Variants in IL1RAPL1 observed in about 807,000 individuals in gnomAD.
IL1RAPL1 encodes interleukin 1 receptor accessory protein like 1.
In IL1RAPL1, 3 loss-of-function variants were observed where a neutral mutation model predicts 48.4. The observed-to-expected ratio is 0.06, with a 90% confidence interval of 0.03 to 0.16. The LOEUF is 0.16. Ranked by LOEUF, IL1RAPL1 falls within the 10% of genes least tolerant of loss-of-function variation. The pLI, the probability that IL1RAPL1 is intolerant of heterozygous loss-of-function variation, is 1.00. For missense variants in IL1RAPL1, 349 were observed against 530.6 expected, an observed-to-expected ratio of 0.66 and a Z score of 3.36; for synonymous variants, 185 against 187.7, an observed-to-expected ratio of 0.99 and a Z score of 0.12.
intron 3 of IL1RAPL1, among the ~76,000 whole-genome samples, chrX:29,326,133 C>T (rs182931100): frequency 8.9e-6 from 1 of 112,262 alleles, no homozygotes; most frequent in Non-Finnish European, 1.9e-5. Flanking sequence ...GCTGTTCTTT[C>T]TATTTTATTT....
At chrX:29,417,395 G>T (rs767717147) in intron 5 of IL1RAPL1, among the ~76,000 whole-genome samples, 1 of 111,660 alleles carries the variant, frequency 9.0e-6, no homozygotes, top group South Asian at 3.7e-4. Flanking sequence ...AGCATCTCTT[G>T]TTCCATCTGG....
intron 5 of IL1RAPL1, among the ~76,000 whole-genome samples, chrX:29,554,901 G>A (rs1921940726): frequency 8.9e-6 from 1 of 112,086 alleles, no homozygotes; most frequent in African/African-American, 3.2e-5. Context: ...TGCTAACCCT[G>A]TCCATTGATT....
intron 5 of IL1RAPL1, among the ~76,000 whole-genome samples, chrX:29,653,358 G>A (rs1290039658): frequency 9.0e-6 from 1 of 111,365 alleles, no homozygotes; most frequent in Non-Finnish European, 1.9e-5. Context: ...TTTTATTTTT[G>A]TTTTTGTTTT....
Position 28,635,747 on chromosome X carries a change from G to A in IL1RAPL1, c.-25+47700G>A, listed in dbSNP as rs142732719. ...CATGAGTTAAACATGGTTGGAGTTT[G>A]CGGCTAAAGCTTTTGGATTACTTTT... On this transcript the variant is annotated intron_variant, in intron 1 of 10. Coordinates refer to ENST00000378993, the MANE Select transcript of IL1RAPL1 (RefSeq NM_014271.4). Among the ~76,000 whole-genome samples the A allele has an allele frequency of 6.5e-3, 725 of 111,903 alleles. 5 individuals carry two copies. Among genetic ancestry groups the A allele is most frequent in the African/African-American group, 0.023 (695 of 30,779 alleles).
In IL1RAPL1 at chrX:29,081,029, CT is replaced by C. The variant is rs1555960770; in HGVS notation, c.83-201905del. 4.5e-3 allele frequency among the ~76,000 whole-genome samples: 185 copies of C among 41,457 alleles called. 2 individuals are homozygous for C. Among genetic ancestry groups the C allele is most frequent in the South Asian group, 7.6e-3 (6 of 794 alleles). The allele number at this position is 41,457 out of a possible 115,157, so 36.0% of individuals were successfully genotyped here. The stretch of plus-strand genomic sequence containing the variant: ...CTCTCTCTCTCTCTCTCTTTCTTTT[CT>C]TTTCTTTTCTTTTCTTTTCTTTTCT... On this transcript the variant is annotated intron_variant, in intron 2 of 10. Coordinates refer to ENST00000378993, the MANE Select transcript of IL1RAPL1 (RefSeq NM_014271.4).
At chrX:29,755,844 A>T (rs1052885289) in intron 6 of IL1RAPL1, among the ~76,000 whole-genome samples, 4 of 112,116 alleles carry the variant, frequency 3.6e-5, no homozygotes, top group African/African-American at 1.3e-4. Flanking sequence ...TATTATTTTT[A>T]AATTCTTTCA....
rs759365066 is a variant in IL1RAPL1, at chrX:28,957,098, C to T, written c.82+167673C>T. Among the ~76,000 whole-genome samples the T allele has an allele frequency of 1.3e-3, 144 of 110,360 alleles. 1 individual carries two copies. Among genetic ancestry groups the T allele is most frequent in the African/African-American group, 4.4e-3 (135 of 30,353 alleles). ...ATGGTAGTTTGTATTTCTGTGGGAT[C>T]GGTGGTGATATCCCCTTTATCATTT... is the stretch of plus-strand genomic sequence containing the variant. On this transcript the variant is annotated intron_variant, in intron 2 of 10. Transcript: ENST00000378993.
intron 3 of IL1RAPL1, among the ~76,000 whole-genome samples, chrX:29,374,032 T>A (rs1032817938): frequency 9.4e-6 from 1 of 106,115 alleles, no homozygotes; most frequent in Admixed American, 1.0e-4. Flanking sequence ...CTGGATACAG[T>A]TTGGTAGTAT....
At chrX:29,433,298 G>A (rs1304955347) in intron 5 of IL1RAPL1, among the ~76,000 whole-genome samples, 5 of 110,783 alleles carry the variant, frequency 4.5e-5, no homozygotes. Flanking sequence ...CATATTTTAT[G>A]TGCTTTTAAA....
At chrX:29,071,397 C>G in intron 2 of IL1RAPL1, among the ~76,000 whole-genome samples, 1 of 111,997 alleles carries the variant, frequency 8.9e-6, no homozygotes, top group South Asian at 3.7e-4. Flanking sequence ...GCTGCCATTT[C>G]TCAGTGTTCT....
chrX:29,750,465 GA>G lies in IL1RAPL1; in HGVS notation c.778+81969del, dbSNP rs756506627. 2.8e-4 allele frequency among the ~76,000 whole-genome samples: 31 copies of G among 110,461 alleles called. No homozygotes were observed. The East Asian group carries it at 3.1e-3, about 11-fold the overall frequency. On this transcript the variant is annotated intron_variant, in intron 6 of 10. Coordinates refer to ENST00000378993, the MANE Select transcript of IL1RAPL1 (RefSeq NM_014271.4). ...ATGAATTGCTATGGTATAATTTTGA[GA>G]AAAAAAATCATTTTTAGTCATTACA...
At chrX:29,895,310 G>C (rs1932359650) in intron 6 of IL1RAPL1, among the ~76,000 whole-genome samples, 1 of 110,927 alleles carries the variant, frequency 9.0e-6, no homozygotes, top group South Asian at 3.9e-4. Context: ...CAACACTTTG[G>C]GAGGCTGAGG....
intron 1 of IL1RAPL1, among the ~76,000 whole-genome samples, chrX:28,712,051 T>C (rs1387516803): frequency 9.0e-6 from 1 of 111,380 alleles, no homozygotes; most frequent in Non-Finnish European, 1.9e-5. Flanking sequence ...AGCATTTGCT[T>C]ACCTGGGGCT....
At chrX:29,794,403 G>A (rs1929698997) in intron 6 of IL1RAPL1, among the ~76,000 whole-genome samples, 2 of 111,509 alleles carry the variant, frequency 1.8e-5, no homozygotes, top group African/African-American at 6.6e-5. Context: ...CAATTATCAC[G>A]TTATTAGAGC....
At chrX:29,916,834 T>C (rs980169135) in intron 6 of IL1RAPL1, among the ~76,000 whole-genome samples, 10 of 112,556 alleles carry the variant, frequency 8.9e-5, no homozygotes, top group Non-Finnish European at 1.3e-4. Context: ...ATCTTTACAG[T>C]AGTATAACTG....
intron 3 of IL1RAPL1, among the ~76,000 whole-genome samples, chrX:29,316,857 T>C (rs1227955903): frequency 9.0e-6 from 1 of 111,690 alleles, no homozygotes; most frequent in Non-Finnish European, 1.9e-5. Flanking sequence ...TATAATTTGG[T>C]ATCTTAATGT....
At chrX:28,798,773 C>A (rs1165556059) in intron 2 of IL1RAPL1, among the ~76,000 whole-genome samples, 2 of 111,147 alleles carry the variant, frequency 1.8e-5, no homozygotes, top group East Asian at 5.7e-4. Context: ...AGGGCCTGTG[C>A]AATCCATGGT....
intron 6 of IL1RAPL1, among the ~76,000 whole-genome samples, chrX:29,799,122 T>C (rs955862385): frequency 8.9e-6 from 1 of 112,404 alleles, no homozygotes; most frequent in African/African-American, 3.2e-5. Flanking sequence ...TATAAGATAA[T>C]GTTTTATTTT....
chrX:28,719,660 T>G, intron 1 of IL1RAPL1, among the ~76,000 whole-genome samples: 1 of 111,135 alleles, frequency 9.0e-6, no homozygotes. Context: ...AGCTCGTAGA[T>G]GACCTTCAAT....
Sources: gnomAD v4.1 joint callset for allele counts (sites outside exome capture counted in the v4.1 genomes callset) on GRCh38, gnomAD v4.1.1 for gene constraint, MANE v1.5 for transcripts, NCBI Gene and HGNC (gene_info 2026-07-23, HGNC 2026-07-21) for gene names.